NRN1: variants seen among roughly 807,000 people sequenced by gnomAD.
NRN1 encodes the protein neuritin.
A neutral mutation model predicts 15.0 loss-of-function variants in NRN1; 4 were observed. That is an observed-to-expected ratio of 0.27 (90% CI 0.13 to 0.61). The LOEUF is 0.61. Among genes scored for constraint, NRN1 ranks in the 20% least tolerant of loss-of-function variants. NRN1 has a pLI of 0.87. For synonymous variants in NRN1, 85 were observed against 79.8 expected (o/e 1.07, Z -0.35); for missense variants, 134 against 181.9 (o/e 0.74, Z 1.51).
intron 2 of NRN1, 64 bp downstream of exon 2, chr6:6,002,289 G>C (rs1034746661): frequency 8.9e-6 from 14 of 1,575,458 alleles, no homozygotes; most frequent in African/African-American, 1.3e-5. Context: ...GGGGAGGCTC[G>C]GCACTCTCCG....
At chr6:6,001,539 G>A (rs1187735696) in intron 2 of NRN1, among the ~76,000 whole-genome samples, 1 of 152,164 alleles carries the variant, frequency 6.6e-6, no homozygotes. Context: ...CACTGGACCT[G>A]GCTATGAACT....
chr6:6,004,827 C>A (rs550766964), intron 1 of NRN1, among the ~76,000 whole-genome samples: 1 of 152,074 alleles, frequency 6.6e-6, no homozygotes, highest in South Asian at 2.1e-4. Context: ...GTGCGGTTTC[C>A]ATCCGTTCAT....
intron 1 of NRN1, 38 bp from the exon 2 acceptor site, chr6:6,002,535 A>T: frequency 3.1e-6 from 5 of 1,593,866 alleles, no homozygotes; most frequent in Non-Finnish European, 4.3e-6. Context: ...CAGCGCCACG[A>T]CCCCGCCCTG....
At chr6:6,002,614 G>C in intron 1 of NRN1, 117 bp from the exon 2 acceptor site, 1 of 1,372,910 alleles carries the variant, frequency 7.3e-7, no homozygotes, top group East Asian at 2.4e-5. Flanking sequence ...GCCTCTCCCA[G>C]CGCCCAGCCT....
At chr6:6,006,622 C>T (rs1758116787) in intron 1 of NRN1, 73 bp downstream of exon 1, 2 of 1,462,404 alleles carry the variant, frequency 1.4e-6, no homozygotes, top group Non-Finnish European at 1.9e-6. Flanking sequence ...ACCCGCTAGT[C>T]CCCCTCCGCG....
In NRN1 at chr6:6,006,732, G is replaced by A. The variant is rs144443923; in HGVS notation, c.18C>T (p.Asn6=). The A allele has an allele frequency of 1.2e-5, 20 of 1,613,978 alleles. No homozygotes were observed. The highest frequency in any genetic ancestry group is 1.6e-4 in the Middle Eastern group (1 of 6,084). The stretch of plus-strand genomic sequence containing the variant: ...CGAGGATCAGTGAAATATATCTGCC[G>A]TTCAACTTAAGTCCCATCCTACGTT... MGLKL[N]GRYISLILAV... is the part of the protein sequence containing the mutation. The change falls in exon 1 of 3, where the codon AAC becomes AAT. Residue 6 remains asparagine (N), a synonymous_variant. Coordinates refer to ENST00000244766, the MANE Select transcript of NRN1 (RefSeq NM_016588.3).
At chr6:6,002,529 G>A (rs776035743) in intron 1 of NRN1, 32 bp from the exon 2 acceptor site, 1 of 1,600,982 alleles carries the variant, frequency 6.2e-7, no homozygotes, top group East Asian at 2.2e-5. Flanking sequence ...GGTCAGCAGC[G>A]CCACGACCCC....
In NRN1 at chr6:5,998,960, G is replaced by A; in HGVS notation, c.*16C>T. On this transcript the variant is annotated 3_prime_UTR_variant, in exon 3 of 3. Transcript: ENST00000244766. ...AGTGAGTGTGGGTGGGCGCGCGGGG[G>A]GAGCTGGCCCCACGCTCAGAAGGAA... 1 of 1,588,798 alleles carries A rather than the reference G, an allele frequency of 6.3e-7. No homozygotes were observed. The highest frequency in any genetic ancestry group is 8.6e-7 in the Non-Finnish European group (1 of 1,163,064).
In NRN1 at chr6:6,004,147, G is replaced by T. The variant is rs548161497; in HGVS notation, c.56-1650C>A. On this transcript the variant is annotated intron_variant, in intron 1 of 2. Transcript: ENST00000244766. ...GGGAAGCACTGGGGAAGGGACCGAG[G>T]TTAACTTCGACCTCCGCTGGGGCAG... is the stretch of plus-strand genomic sequence containing the variant. 102 of 586,908 alleles carry T rather than the reference G, an allele frequency of 1.7e-4. No homozygotes were observed. In the African/African-American group the frequency reaches 2.0e-3, roughly 12 times the overall value. 36.4% of individuals were successfully genotyped at this position (586,908 alleles called of 1,614,324 possible).
In NRN1 at chr6:5,999,006, C is replaced by T. The variant is rs200526786; in HGVS notation, c.399G>A (p.Ser133=). Residue 133 remains serine, a synonymous_variant, in exon 3 of 3, where the codon TCG becomes TCA. Transcript: ENST00000244766. ...AGGAAAGCCAGGTCGCTAAAGCTGC[C>T]GAGAGAGACACCAGGAGCACCGGGA... The part of the protein sequence containing the change: ...PAFPVLLVSL[S]AALATWLSF The T allele has an allele frequency of 5.0e-6, 8 of 1,612,920 alleles. No individual in the cohort carries two copies. In the Admixed American group the frequency reaches 1.0e-4, roughly 20 times the overall value.
At chr6:6,003,177 C>T (rs1758007669) in intron 1 of NRN1, 1 of 1,234,046 alleles carries the variant, frequency 8.1e-7, no homozygotes, top group Non-Finnish European at 1.0e-6. Context: ...ACCGTGGACT[C>T]TGTATTCCGA....
intron 1 of NRN1, chr6:6,003,132 C>T: frequency 1.7e-6 from 2 of 1,153,870 alleles, no homozygotes; most frequent in Non-Finnish European, 2.2e-6. Context: ...CAGCAGTTAC[C>T]GAAATGGATT....
At chr6:6,005,135 C>T (rs912030295) in intron 1 of NRN1, among the ~76,000 whole-genome samples, 2 of 151,988 alleles carry the variant, frequency 1.3e-5, no homozygotes, top group African/African-American at 4.8e-5. Context: ...TCTTTTTTTT[C>T]CCTCCAAACC....
At chr6:6,003,852 T>A in intron 1 of NRN1, 1 of 1,232,950 alleles carries the variant, frequency 8.1e-7, no homozygotes. Context: ...AAAGGGTGAA[T>A]CTCAGAATCG....
intron 1 of NRN1, among the ~76,000 whole-genome samples, chr6:6,004,607 G>T (rs1758059121): frequency 6.6e-6 from 1 of 152,228 alleles, no homozygotes; most frequent in South Asian, 2.1e-4. Context: ...AATAAGTCGT[G>T]AACATTTCTG....
intron 2 of NRN1, 87 bp from the exon 3 acceptor site, chr6:5,999,291 T>A: frequency 8.3e-7 from 1 of 1,200,752 alleles, no homozygotes; most frequent in South Asian, 1.3e-5. Context: ...GCCTCCCCGC[T>A]GGCGGCCCCG....
intron 2 of NRN1, 51 bp from the exon 3 acceptor site, chr6:5,999,255 G>A: frequency 6.6e-7 from 1 of 1,509,834 alleles, no homozygotes; most frequent in Non-Finnish European, 9.1e-7. Flanking sequence ...TGGGACGCCG[G>A]GAACACCCCG....
At position 5,998,661 on chromosome 6, in the gene NRN1, C is replaced by T. The variant is rs905736312; in HGVS notation, c.*315G>A. 1.5e-5 allele frequency: 3 copies of T among 206,790 alleles called. No individual in the cohort carries two copies. Among genetic ancestry groups the T allele is most frequent in the African/African-American group, 2.3e-5 (1 of 42,752 alleles). 12.8% of individuals were successfully genotyped at this position (206,790 alleles called of 1,614,324 possible). A position where few individuals can be genotyped will look rare whatever the true frequency, so the allele number is the denominator to read the frequency against. ...GCCGTTCCTGAGATTCTTTTGCCAA[C>T]AAAAAAAATTAATAATAATAAAATT... On this transcript the variant is annotated 3_prime_UTR_variant, in exon 3 of 3. Transcript: ENST00000244766.
intron 1 of NRN1, chr6:6,002,798 TTC>T (rs1681986227): frequency 2.3e-6 from 1 of 437,004 alleles, no homozygotes; most frequent in South Asian, 4.2e-5. Flanking sequence ...CCGTATCTTT[TTC>T]TGTTTCCATC....
Sources: gnomAD v4.1 joint callset for allele counts (sites outside exome capture counted in the v4.1 genomes callset) on GRCh38, gnomAD v4.1.1 for gene constraint, MANE v1.5 for transcripts, NCBI Gene and HGNC (gene_info 2026-07-23, HGNC 2026-07-21) for gene names.